Variants in GRM7 observed in about 807,000 individuals in gnomAD.
GRM7 encodes the protein glutamate metabotropic receptor 7.
Under a neutral mutation model 84.5 loss-of-function variants are expected in GRM7, and 35 were observed. The observed-to-expected ratio is 0.41, with a 90% confidence interval of 0.32 to 0.55. GRM7 has a LOEUF of 0.55. GRM7 is among the 20% of genes least tolerant of loss of function. GRM7 has a pLI of 0.19. For synonymous variants in GRM7, 487 were observed against 455.1 expected (o/e 1.07, Z -0.89); for missense variants, 1,003 against 1,194.6 (o/e 0.84, Z 2.36).
intron 1 of GRM7, among the ~76,000 whole-genome samples, chr3:7,041,358 T>C (rs1696608158): frequency 6.6e-6 from 1 of 152,222 alleles, no homozygotes; most frequent in African/African-American, 2.4e-5. Context: ...ATTTGCATTT[T>C]CTAGTTTTAA....
At chr3:7,298,987 C>G (rs1699907434) in intron 3 of GRM7, among the ~76,000 whole-genome samples, 162 bp downstream of exon 3, 1 of 152,066 alleles carries the variant, frequency 6.6e-6, no homozygotes, top group Non-Finnish European at 1.5e-5. Flanking sequence ...ACAGTGGTAG[C>G]ATGTTATGGT....
At position 6,928,349 on chromosome 3, in the gene GRM7, T is replaced by C. The variant is rs1031120613; in HGVS notation, c.519+66442T>C. Reference sequence around the variant, plus strand: ...CCCATGAAAGTTTACTATTTGGCACTGGTCCTGCAGGAAGGTGGCAATGTT... The same window carrying C: ...CCCATGAAAGTTTACTATTTGGCACCGGTCCTGCAGGAAGGTGGCAATGTT... On this transcript the variant is annotated intron_variant, in intron 1 of 9. Transcript: ENST00000357716. The surrounding 1 kb of genome is among the most constrained non-coding windows in gnomAD (Gnocchi z 4.5). Among the ~76,000 whole-genome samples the C allele has an allele frequency of 3.3e-5, 5 of 152,154 alleles. No individual in the cohort carries two copies. Among genetic ancestry groups the C allele is most frequent in the African/African-American group, 1.2e-4 (5 of 41,452 alleles).
intron 4 of GRM7, among the ~76,000 whole-genome samples, chr3:7,353,446 T>G (rs1693249204): frequency 6.6e-6 from 1 of 151,984 alleles, no homozygotes; most frequent in African/African-American, 2.4e-5. Flanking sequence ...GTTAAAAAAC[T>G]TAGTTTATTT....
At position 6,886,030 on chromosome 3, in the gene GRM7, A is replaced by G. The variant is rs192655677; in HGVS notation, c.519+24123A>G. Among the ~76,000 whole-genome samples, 174 of 152,314 alleles carry G rather than the reference A, an allele frequency of 1.1e-3. 1 individual carries two copies. The highest frequency in any genetic ancestry group is 2.0e-3 in the Non-Finnish European group (135 of 68,034). ...TACCACAAGATGATTTGATATATGT[A>G]TACATTGTGGAATGTTTACCACAAT... On this transcript the variant is annotated intron_variant, in intron 1 of 9. Transcript: ENST00000357716.
intron 1 of GRM7, among the ~76,000 whole-genome samples, chr3:7,063,542 A>C (rs1697507855): frequency 6.6e-6 from 1 of 151,782 alleles, no homozygotes; most frequent in Admixed American, 6.6e-5. Context: ...ACTTTGTACA[A>C]AGCTCATTTT....
chr3:7,060,573 A>G (rs6443079), intron 1 of GRM7, among the ~76,000 whole-genome samples: 36,513 of 151,694 alleles, frequency 0.24, 4,793 homozygotes, highest in African/African-American at 0.35. Context: ...TGAGTCAGGA[A>G]CATCATTAAT....
intron 8 of GRM7, among the ~76,000 whole-genome samples, chr3:7,591,034 T>A (rs947217535): frequency 6.6e-6 from 1 of 152,180 alleles, no homozygotes; most frequent in Non-Finnish European, 1.5e-5. Flanking sequence ...AAGGAATGAA[T>A]GAATCTGTTG....
chr3:7,626,884 G>A (rs1697639744), intron 8 of GRM7, among the ~76,000 whole-genome samples: 1 of 149,356 alleles, frequency 6.7e-6, no homozygotes, highest in Admixed American at 6.7e-5. Context: ...CATTATTAAT[G>A]TTTGCAATAG....
intron 1 of GRM7, among the ~76,000 whole-genome samples, chr3:7,067,817 C>T (rs951200450): frequency 6.6e-6 from 1 of 151,950 alleles, no homozygotes; most frequent in Admixed American, 6.6e-5. Context: ...GAACAGCTAG[C>T]CAATTTGTAC....
At chr3:7,184,372 T>C (rs1010409496) in intron 2 of GRM7, among the ~76,000 whole-genome samples, 1 of 151,336 alleles carries the variant, frequency 6.6e-6, no homozygotes, top group African/African-American at 2.5e-5. Context: ...ATTTTTAAAG[T>C]AGTACTAGTT....
At chr3:7,451,885 A>C (rs183112115) in intron 5 of GRM7, 2 of 152,394 alleles carry the variant, frequency 1.3e-5, no homozygotes, top group African/African-American at 4.8e-5. Flanking sequence ...ACAGCCATTG[A>C]GGGACTCTTA....
At chr3:7,444,179 C>G (rs188697765) in intron 5 of GRM7, among the ~76,000 whole-genome samples, 34 of 152,274 alleles carry the variant, frequency 2.2e-4, no homozygotes, top group African/African-American at 7.9e-4. Flanking sequence ...AACCTGAATA[C>G]AACTCCTGGG....
chr3:7,327,375 G>T (rs1701029149), intron 4 of GRM7, among the ~76,000 whole-genome samples: 1 of 152,102 alleles, frequency 6.6e-6, no homozygotes, highest in South Asian at 2.1e-4. Context: ...GAAGGAAAAG[G>T]AGAGGAGAGG....
At chr3:6,876,907 C>G (rs1406470008) in intron 1 of GRM7, among the ~76,000 whole-genome samples, 1 of 152,076 alleles carries the variant, frequency 6.6e-6, no homozygotes, top group Non-Finnish European at 1.5e-5. Context: ...CGGCCTACCA[C>G]TAAATTGAAG....
rs1019030954 is a variant in GRM7, at chr3:7,499,208, C to T, written c.1515+37486C>T. On this transcript the variant is annotated intron_variant, in intron 7 of 9. Transcript: ENST00000357716. ...TGGTGGCCTCAAAATCTCTGGGCTTCTTTTCTGGCACTTGCAGGCACCCAG... is the reference window on the plus strand; with the variant it reads ...TGGTGGCCTCAAAATCTCTGGGCTTTTTTTCTGGCACTTGCAGGCACCCAG... Among the ~76,000 whole-genome samples the T allele has an allele frequency of 2.0e-5, 3 of 152,176 alleles. No individual in the cohort carries two copies. In the South Asian group the frequency reaches 6.2e-4, roughly 32 times the overall value.
At position 6,876,137 on chromosome 3, in the gene GRM7, G is replaced by A. The variant is rs566237050; in HGVS notation, c.519+14230G>A. Among the ~76,000 whole-genome samples, 76 of 152,122 alleles carry A rather than the reference G, an allele frequency of 5.0e-4. 1 individual carries two copies. The South Asian group carries it at 8.7e-3, about 17-fold the overall frequency. On this transcript the variant is annotated intron_variant, in intron 1 of 9. Transcript: ENST00000357716. ...ATAAAAATTATCCGGGCATGGCGGCGGGTACCTGCGATCCCAGTTACTCGG... is the reference window on the plus strand; with the variant it reads ...ATAAAAATTATCCGGGCATGGCGGCAGGTACCTGCGATCCCAGTTACTCGG...
intron 2 of GRM7, among the ~76,000 whole-genome samples, chr3:7,147,856 G>C (rs1403146961): frequency 6.6e-6 from 1 of 152,114 alleles, no homozygotes; most frequent in Non-Finnish European, 1.5e-5. Flanking sequence ...CACTATTTCT[G>C]GGTTAAAATG....
intron 1 of GRM7, among the ~76,000 whole-genome samples, chr3:6,891,874 C>G (rs139813450): frequency 0.014 from 2,125 of 152,278 alleles, 51 homozygotes; most frequent in African/African-American, 0.049. Context: ...GTAGGCCAAT[C>G]AGACATAGAT....
intron 7 of GRM7, among the ~76,000 whole-genome samples, chr3:7,484,118 T>C (rs1435866190): frequency 6.6e-6 from 1 of 152,194 alleles, no homozygotes; most frequent in Admixed American, 6.5e-5. Context: ...AGAAAGCATC[T>C]CCTAAAGAAA....
Sources: gnomAD v4.1 joint callset for allele counts (sites outside exome capture counted in the v4.1 genomes callset) on GRCh38, gnomAD v4.1.1 for gene constraint, Gnocchi (gnomAD v3.1) non-coding constraint, MANE v1.5 for transcripts, NCBI Gene and HGNC (gene_info 2026-07-23, HGNC 2026-07-21) for gene names.